MYH11: variants seen among roughly 807,000 people sequenced by gnomAD.
MYH11 encodes the protein myosin heavy chain 11, also known as myosin-11.
MYH11 carries 80 observed loss-of-function variants against 246.6 expected under a neutral mutation model. The ratio of observed to expected loss-of-function variants is 0.32; its 90% confidence interval spans 0.27 to 0.39. The LOEUF is 0.39. Ranked by LOEUF, MYH11 falls within the 10% of genes least tolerant of loss-of-function variation. MYH11 has a pLI of 1.00. For missense variants in MYH11, 2,158 were observed against 2,546.8 expected, an observed-to-expected ratio of 0.85 and a Z score of 3.29; for synonymous variants, 1,071 against 1,015.5, an observed-to-expected ratio of 1.05 and a Z score of -1.04.
At chr16:15,835,623 T>C (rs953412171) in intron 2 of MYH11, among the ~76,000 whole-genome samples, 1 of 152,064 alleles carries the variant, frequency 6.6e-6, no homozygotes, top group Non-Finnish European at 1.5e-5. Context: ...TCAAAAGTGA[T>C]CATGACCACA....
At position 15,703,329 on chromosome 16, in the gene MYH11, C is replaced by G. The variant is rs573168314; in HGVS notation, c.*662G>C. On this transcript the variant is annotated 3_prime_UTR_variant, in exon 41 of 41. Coordinates refer to ENST00000300036, the MANE Select transcript of MYH11 (RefSeq NM_002474.3). The stretch of plus-strand genomic sequence containing the variant: ...GGGGAAAGAATTCTCAAAGGCCTGA[C>G]GTGAGAAGTTGGAAAGGTTTGCAGG... 4.3e-6 allele frequency: 1 copy of G among 230,710 alleles called. No homozygotes were observed. The highest frequency in any genetic ancestry group is 2.2e-5 in the African/African-American group (1 of 44,774). 14.3% of individuals were successfully genotyped at this position (230,710 alleles called of 1,614,324 possible).
At chr16:15,775,395 A>G (rs2042197020) in intron 8 of MYH11, among the ~76,000 whole-genome samples, 1 of 150,748 alleles carries the variant, frequency 6.6e-6, no homozygotes, top group Admixed American at 6.6e-5. Context: ...TCATTGGTTT[A>G]TGTACTGCCT....
chr16:15,751,118 GTATTATTATTAT>G (rs56124315), intron 15 of MYH11, among the ~76,000 whole-genome samples: 8,563 of 143,268 alleles, frequency 0.06, 861 homozygotes, highest in African/African-American at 0.2. Flanking sequence ...CAAAAAGTAG[GTATTATTATTAT>G]TATTATTATT....
rs557185600 is a variant in MYH11 at position 15,808,538 on chromosome 16, C to T, written c.503-9851G>A. Among the ~76,000 whole-genome samples, 76 of 152,274 alleles carry T rather than the reference C, an allele frequency of 5.0e-4. No individual in the cohort carries two copies. In the South Asian group the frequency reaches 0.015, roughly 30 times the overall value. On this transcript the variant is annotated intron_variant, in intron 3 of 40. Transcript: ENST00000300036. ...ATGACATGCTGAGTAAGAAGAGATA[C>T]TTTGAGAGCCTTTGCTGCAACCCAA... is the stretch of plus-strand genomic sequence containing the variant.
At chr16:15,820,213 A>G (rs1439235378) in intron 3 of MYH11, among the ~76,000 whole-genome samples, 1 of 152,214 alleles carries the variant, frequency 6.6e-6, no homozygotes, top group Non-Finnish European at 1.5e-5. Flanking sequence ...GTGATGGTGC[A>G]TGCCTGTAAT....
At chr16:15,825,386 C>CAAAA (rs1212947132) in intron 2 of MYH11, among the ~76,000 whole-genome samples, 800 of 60,882 alleles carry the variant, frequency 0.013, 10 homozygotes, top group African/African-American at 0.037. Context: ...CCCCTCTCTA[C>CAAAA]AAAAAAAAAA....
intron 14 of MYH11, among the ~76,000 whole-genome samples, chr16:15,755,606 C>T (rs1423389407): frequency 6.6e-6 from 1 of 151,984 alleles, no homozygotes; most frequent in Non-Finnish European, 1.5e-5. Context: ...CTGGGCAACA[C>T]AGCAAGACCC....
At chr16:15,828,980 T>C (rs2043652100) in intron 2 of MYH11, among the ~76,000 whole-genome samples, 1 of 151,552 alleles carries the variant, frequency 6.6e-6, no homozygotes, top group African/African-American at 2.4e-5. Flanking sequence ...GGTCAGGAGT[T>C]TGAGAACAGC....
At chr16:15,728,323 G>T (rs1002242373) in intron 27 of MYH11, among the ~76,000 whole-genome samples, 7 of 152,138 alleles carry the variant, frequency 4.6e-5, no homozygotes, top group Non-Finnish European at 8.8e-5. Context: ...CAGTAAAATG[G>T]ATAAATTTTA....
chr16:15,790,053 C>T (rs2042572123), intron 4 of MYH11, among the ~76,000 whole-genome samples: 1 of 152,226 alleles, frequency 6.6e-6, no homozygotes, highest in African/African-American at 2.4e-5. Context: ...GCCTGTCATC[C>T]CGGTACTTTG....
At chr16:15,743,147 T>C (rs2041321930) in intron 20 of MYH11, among the ~76,000 whole-genome samples, 1 of 151,370 alleles carries the variant, frequency 6.6e-6, no homozygotes, top group Non-Finnish European at 1.5e-5. Flanking sequence ...AATAAGGCCA[T>C]AATGAATGCC....
intron 8 of MYH11, among the ~76,000 whole-genome samples, chr16:15,774,888 C>G (rs2042184038): frequency 6.6e-6 from 1 of 152,196 alleles, no homozygotes; most frequent in South Asian, 2.1e-4. Context: ...TTGCCCCACC[C>G]TGGAAATTTA....
intron 26 of MYH11, among the ~76,000 whole-genome samples, chr16:15,733,186 G>A (rs2041016381): frequency 6.6e-6 from 1 of 152,186 alleles, no homozygotes; most frequent in Non-Finnish European, 1.5e-5. Context: ...CAGCCATTGT[G>A]TGATGGAGCC....
At position 15,732,597 on chromosome 16, in the gene MYH11, C is replaced by T. The variant is rs957776829; in HGVS notation, c.3618G>A (p.Glu1206=). The change falls in exon 27 of 41, where the codon GAG becomes GAA. Residue 1206 remains glutamate (E), a synonymous_variant. Transcript: ENST00000300036. ...EMRQKHAQAV[E]ELTEQLEQFK... ...ACTGCTCAAGCTGCTCTGTGAGCTC[C>T]TCCACCGCCTGTGCGTGTTTCTGCC... 2.5e-6 allele frequency: 4 copies of T among 1,614,142 alleles called. No homozygotes were observed. Among genetic ancestry groups the T allele is most frequent in the African/African-American group, 2.7e-5 (2 of 74,940 alleles).
chr16:15,735,321 T>G (rs760563116), intron 26 of MYH11, 45 bp downstream of exon 26: 1 of 1,603,908 alleles, frequency 6.2e-7, no homozygotes, highest in Non-Finnish European at 8.5e-7. Flanking sequence ...CCCATCCCAT[T>G]GGTGCAGTGG....
At chr16:15,846,062 A>G (rs2044183134) in intron 1 of MYH11, among the ~76,000 whole-genome samples, 1 of 152,006 alleles carries the variant, frequency 6.6e-6, no homozygotes, top group South Asian at 2.1e-4. Flanking sequence ...TCATACCACT[A>G]CACTCCAGCC....
intron 40 of MYH11, chr16:15,708,829 T>G (rs1555548084): frequency 2.5e-6 from 4 of 1,605,788 alleles, no homozygotes; most frequent in Admixed American, 1.7e-5. Flanking sequence ...AAGTTTCCTG[T>G]GGGGGGGGCC....
rs752421610 is a variant in MYH11 at position 15,771,708 on chromosome 16, G to T, written c.894C>A (p.Asp298Glu). The change falls in exon 9 of 41, where the codon GAC (aspartate) becomes GAA (glutamate). Residue 298 changes from aspartate (D) to glutamate (E), a missense_variant. Physicochemically the swap from Asp to Glu is conservative, Grantham distance 45 (BLOSUM62 2). Transcript: ENST00000300036. The part of the protein sequence containing the change: ...IAGAKEKMRS[D>E]LLLEGFNNYT... ...AGTTGTTGAAGCCCTCCAAAAGCAA[G>T]TCACCTAGAAGGAGAGGAAGACAGG... 1.9e-6 allele frequency: 3 copies of T among 1,614,086 alleles called. No homozygotes were observed. Among genetic ancestry groups the T allele is most frequent in the Admixed American group, 3.3e-5 (2 of 59,996 alleles).
At chr16:15,844,957 G>A (rs1469984808) in intron 1 of MYH11, among the ~76,000 whole-genome samples, 2 of 152,146 alleles carry the variant, frequency 1.3e-5, no homozygotes, top group African/African-American at 2.4e-5. Context: ...CATTGGTGCT[G>A]GCAACATTTG....
Sources: allele counts gnomAD v4.1 joint callset (sites outside exome capture counted in the v4.1 genomes callset), GRCh38; gene constraint gnomAD v4.1.1; transcripts MANE v1.5; gene names NCBI Gene and HGNC (gene_info 2026-07-23, HGNC 2026-07-21).